SLC20A2: variants seen among roughly 807,000 people sequenced by gnomAD.
SLC20A2 encodes sodium-dependent phosphate transporter 2.
In SLC20A2, 30 loss-of-function variants were observed where a neutral mutation model predicts 61.0. The ratio of observed to expected loss-of-function variants is 0.49; its 90% CI spans 0.37 to 0.67. The LOEUF is 0.67. Among genes scored for constraint, SLC20A2 ranks in the 30% least tolerant of loss-of-function variants. The pLI is 0.00. For synonymous variants in SLC20A2, 351 were observed against 353.3 expected, an observed-to-expected ratio of 0.99 and a Z score of 0.07; for missense variants, 626 against 866.4, an observed-to-expected ratio of 0.72 and a Z score of 3.48.
In SLC20A2 at chr8:42,437,611, T is replaced by TA; in HGVS notation, c.935-35_935-34insT. 3 of 1,464,340 alleles carry TA rather than the reference T, an allele frequency of 2.0e-6. No homozygotes were observed. The highest frequency in any genetic ancestry group is 2.7e-6 in the Non-Finnish European group (3 of 1,091,746). The allele number at this position is 1,464,340 out of a possible 1,614,324, so 90.7% of individuals were successfully genotyped here. On this transcript the variant is annotated intron_variant, in intron 7 of 10. Transcript: ENST00000520262. The surrounding 1 kb of genome is among the most constrained non-coding windows in gnomAD (Gnocchi z 6.4). ...GGTTAGAGAAGGTCTCATTTTCCAG[T>TA]CTTTTTTTTTTTTTTCTTTTCTTTT...
At position 42,439,477 on chromosome 8, in the gene SLC20A2, C is replaced by G; in HGVS notation, c.907G>C (p.Ala303Pro). 2 of 1,613,874 alleles carry G rather than the reference C, an allele frequency of 1.2e-6. No individual in the cohort carries two copies. Among genetic ancestry groups the G allele is most frequent in the Non-Finnish European group, 1.7e-6 (2 of 1,180,042 alleles). Residue 303 changes from alanine (A) to proline (P), a missense_variant, in exon 7 of 11, where the codon GCG becomes CCG. This residue lies in a region of SLC20A2 where 361 missense variants were observed against 422.3 expected (regional missense o/e 0.85). Transcript: ENST00000520262. ...TATGCAGCCCGAGGGTGGCTGCCCG[C>G]AGAAGTGCCTTCCGAGGTCCCCAGT... ...ETLGTSEGTSAGSHPRAAYGR... is the reference protein window; with the variant it reads ...ETLGTSEGTSPGSHPRAAYGR...
At chr8:42,426,162 T>C (rs1211259740) in intron 10 of SLC20A2, among the ~76,000 whole-genome samples, 1 of 152,234 alleles carries the variant, frequency 6.6e-6, no homozygotes, top group Non-Finnish European at 1.5e-5. Context: ...ATAGTATATA[T>C]ATCAATACAG....
chr8:42,524,000 G>A (rs532252381), intron 1 of SLC20A2, among the ~76,000 whole-genome samples: 14 of 152,184 alleles, frequency 9.2e-5, no homozygotes, highest in African/African-American at 9.6e-5. Flanking sequence ...TCAATCTTTC[G>A]GCCTCGAAGA....
intron 1 of SLC20A2, among the ~76,000 whole-genome samples, chr8:42,512,376 A>T (rs190705046): frequency 6.7e-6 from 1 of 148,386 alleles, no homozygotes; most frequent in African/African-American, 2.5e-5. Context: ...TTGGAGATGG[A>T]GTCTCACTGT....
chr8:42,516,696 A>T (rs1177060606), intron 1 of SLC20A2, among the ~76,000 whole-genome samples: 1 of 152,154 alleles, frequency 6.6e-6, no homozygotes, highest in Non-Finnish European at 1.5e-5. Context: ...AGATCCAACA[A>T]CCAAACTCCT....
intron 9 of SLC20A2, 89 bp downstream of exon 9, chr8:42,429,975 C>G: frequency 8.4e-7 from 1 of 1,189,826 alleles, no homozygotes; most frequent in Non-Finnish European, 1.2e-6. Flanking sequence ...ACTGCCAGTG[C>G]TGAGCAGGCC....
At chr8:42,468,911 C>T (rs888475478) in intron 2 of SLC20A2, among the ~76,000 whole-genome samples, 1 of 152,136 alleles carries the variant, frequency 6.6e-6, no homozygotes, top group Non-Finnish European at 1.5e-5. Flanking sequence ...TGGTTTCCTA[C>T]AAAATGGACA....
intron 1 of SLC20A2, among the ~76,000 whole-genome samples, chr8:42,488,608 G>A (rs1809241770): frequency 6.6e-6 from 1 of 152,116 alleles, no homozygotes; most frequent in Non-Finnish European, 1.5e-5. Context: ...AAGTTTCTGA[G>A]GAACTGTCAT....
intron 10 of SLC20A2, among the ~76,000 whole-genome samples, chr8:42,426,022 C>G (rs973187069): frequency 6.6e-5 from 10 of 151,290 alleles, no homozygotes; most frequent in Non-Finnish European, 5.9e-5. Context: ...GGTGACAGAG[C>G]GAGACTCCAT....
At chr8:42,507,401 CTCT>C (rs1434933557) in intron 1 of SLC20A2, among the ~76,000 whole-genome samples, 1 of 150,796 alleles carries the variant, frequency 6.6e-6, no homozygotes, top group African/African-American at 2.4e-5. Context: ...AAGACGCAAA[CTCT>C]TCAAGACAGT....
intron 1 of SLC20A2, among the ~76,000 whole-genome samples, chr8:42,522,436 T>C (rs1187934296): frequency 8.2e-6 from 1 of 121,492 alleles, no homozygotes; most frequent in African/African-American, 2.5e-5. Flanking sequence ...ATCCTACCAC[T>C]TTGGGGGGCC....
chr8:42,472,599 G>C lies in SLC20A2; in HGVS notation c.-209C>G. The C allele has an allele frequency of 1.9e-6, 1 of 530,612 alleles. No individual in the cohort carries two copies. The highest frequency in any genetic ancestry group is 3.3e-6 in the Non-Finnish European group (1 of 299,038). 32.9% of individuals were successfully genotyped at this position (530,612 alleles called of 1,614,324 possible). A position where few individuals can be genotyped will look rare whatever the true frequency, so the allele number is the denominator to read the frequency against. On this transcript the variant is annotated 5_prime_UTR_variant, in exon 2 of 11. Coordinates refer to ENST00000520262, the MANE Select transcript of SLC20A2 (RefSeq NM_001257180.2). This position sits in a 1 kb window ranked among gnomAD's most constrained non-coding sequence, Gnocchi z 4.1. Reference sequence around the variant, plus strand: ...GTTCATTTGGTTGTGTTCAGTCAGCGGTAAAACACATTCCATATTTTTCCT... The same window carrying C: ...GTTCATTTGGTTGTGTTCAGTCAGCCGTAAAACACATTCCATATTTTTCCT...
At chr8:42,423,698 TA>T (rs1446256224) in intron 10 of SLC20A2, among the ~76,000 whole-genome samples, 48 of 152,358 alleles carry the variant, frequency 3.2e-4, no homozygotes, top group African/African-American at 1.1e-3. Flanking sequence ...GCTAAGACAG[TA>T]ATTTCTGAGT....
chr8:42,428,770 G>A lies in SLC20A2; in HGVS notation c.1782C>T (p.Thr594=). ...IASNIGLPVS[T]THCKVGSVVA... ...AGCAGGGGCCTACCTTACAGTGCGT[G>A]GTGCTGACTGGAAGCCCGATGTTGG... is the stretch of plus-strand genomic sequence containing the variant. The change falls in exon 10 of 11, where the codon ACC becomes ACT. Residue 594 remains threonine, a synonymous_variant. Coordinates refer to ENST00000520262, the MANE Select transcript of SLC20A2 (RefSeq NM_001257180.2). The A allele has an allele frequency of 6.2e-7, 1 of 1,611,428 alleles. No homozygotes were observed. Among genetic ancestry groups the A allele is most frequent in the Non-Finnish European group, 8.5e-7 (1 of 1,179,016 alleles).
intron 1 of SLC20A2, among the ~76,000 whole-genome samples, chr8:42,527,725 G>A (rs182153151): frequency 1.1e-3 from 160 of 151,292 alleles, no homozygotes; most frequent in African/African-American, 3.5e-3. Context: ...CCGAGATCGC[G>A]CCACTGCACT....
At chr8:42,516,608 G>A (rs1270443698) in intron 1 of SLC20A2, among the ~76,000 whole-genome samples, 1 of 152,192 alleles carries the variant, frequency 6.6e-6, no homozygotes, top group Admixed American at 6.5e-5. Context: ...GAGCACAGAA[G>A]AGCTACATAC....
intron 1 of SLC20A2, among the ~76,000 whole-genome samples, chr8:42,533,660 T>TTCTTTTTTTTTTTTTTTTTTTTTTTC (rs1220319534): frequency 1.7e-5 from 2 of 118,300 alleles, no homozygotes; most frequent in Non-Finnish European, 3.6e-5. Flanking sequence ...TGTTCTTTTT[T>TTCTTTTTTTTTTTTTTTTTTTTTTTC]TTTTTTTTTT....
Position 42,417,143 on chromosome 8 carries a change from A to G in SLC20A2, c.*660T>C, listed in dbSNP as rs1211116059. 2 of 152,898 alleles carry G rather than the reference A, an allele frequency of 1.3e-5. No individual in the cohort carries two copies. Among genetic ancestry groups the G allele is most frequent in the East Asian group, 3.9e-4 (2 of 5,194 alleles). 9.5% of individuals were successfully genotyped at this position (152,898 alleles called of 1,614,324 possible). ...AAAATTCTCTGATCAAAAAAGTATA[A>G]GGGAAGCACACCATTAAAAAATTAC... On this transcript the variant is annotated 3_prime_UTR_variant, in exon 11 of 11. Transcript: ENST00000520262.
intron 5 of SLC20A2, among the ~76,000 whole-genome samples, chr8:42,450,464 G>A (rs1026268128): frequency 2.0e-5 from 3 of 152,052 alleles, no homozygotes; most frequent in African/African-American, 7.2e-5. Context: ...CTGACCTCAG[G>A]TGATCCACCT....
Sources: allele counts gnomAD v4.1 joint callset (sites outside exome capture counted in the v4.1 genomes callset), GRCh38; gene constraint gnomAD v4.1.1; regional missense constraint gnomAD v4.1.1; non-coding constraint Gnocchi (gnomAD v3.1); transcripts MANE v1.5; gene names NCBI Gene and HGNC (gene_info 2026-07-23, HGNC 2026-07-21).